CIPC: variants seen among roughly 807,000 people sequenced by gnomAD.
CIPC encodes CLOCK interacting pacemaker, also known as CLOCK-interacting pacemaker.
A neutral mutation model predicts 26.7 loss-of-function variants in CIPC; 12 were observed. The observed-to-expected ratio is 0.45, with a 90% CI of 0.29 to 0.73. The LOEUF (loss-of-function observed/expected upper bound fraction) is 0.73. Among genes scored for constraint, CIPC ranks in the 30% least tolerant of loss-of-function variants. The probability of loss-of-function intolerance (pLI) is 0.12; values close to 1 mark genes in which losing one functional copy is unlikely to be tolerated. For synonymous variants in CIPC, 170 were observed against 189.8 expected, an observed-to-expected ratio of 0.90 and a Z score of 0.86; for missense variants, 417 against 486.5, an observed-to-expected ratio of 0.86 and a Z score of 1.34.
rs1233441642 is a variant in CIPC at position 77,115,006 on chromosome 14, T to C, written c.*688T>C. 3 of 152,232 alleles carry C rather than the reference T, an allele frequency of 2.0e-5. No individual in the cohort carries two copies. The East Asian group carries it at 5.8e-4, about 29-fold the overall frequency. 9.4% of individuals were successfully genotyped at this position (152,232 alleles called of 1,614,324 possible). ...AACAGTACTTCCAAATTTTAAGGTA[T>C]GGAATGAATGCAGTACATCTGGAAT... is the stretch of plus-strand genomic sequence containing the variant. On this transcript the variant is annotated 3_prime_UTR_variant, in exon 4 of 4. Transcript: ENST00000361786.
rs201665496 is a variant in CIPC at position 77,113,905 on chromosome 14, G to C, written c.787G>C (p.Ala263Pro). 7.4e-6 allele frequency: 12 copies of C among 1,614,088 alleles called. No homozygotes were observed. The highest frequency in any genetic ancestry group is 1.3e-5 in the African/African-American group (1 of 75,014). ...TCCCAGTCTGACCTTCGCTTCCCCC[G>C]CCAGTCCTGTCTGCGCATCAGACAG... The part of the protein sequence containing the change: ...KAPSLTFASP[A>P]SPVCASDSTL... Residue 263 changes from alanine to proline, a missense_variant, in exon 4 of 4, where the codon GCC becomes CCC. Ala to Pro is a conservative substitution (Grantham distance 27). Coordinates refer to ENST00000361786, the MANE Select transcript of CIPC (RefSeq NM_033426.3).
Position 77,109,839 on chromosome 14 carries a change from C to A in CIPC, c.164C>A (p.Ala55Glu). 6.2e-7 allele frequency: 1 copy of A among 1,614,038 alleles called. No individual in the cohort carries two copies. Among genetic ancestry groups the A allele is most frequent in the Non-Finnish European group, 8.5e-7 (1 of 1,179,954 alleles). The change falls in exon 3 of 4, where the codon GCA becomes GAA. Residue 55 changes from alanine (A) to glutamate (E), a missense_variant. Coordinates refer to ENST00000361786, the MANE Select transcript of CIPC (RefSeq NM_033426.3). ...GGGAGCTCGGAATGTCTGAGCTCTG[C>A]AGAGCAGATGGAGTCCGAGGACATG... ...SDGSSECLSS[A>E]EQMESEDMLS...
Position 77,114,552 on chromosome 14 carries a change from C to G in CIPC, c.*234C>G. The G allele has an allele frequency of 2.0e-6, 1 of 491,716 alleles. No individual in the cohort carries two copies. The highest frequency in any genetic ancestry group is 3.6e-6 in the Non-Finnish European group (1 of 276,248). 30.5% of individuals were successfully genotyped at this position (491,716 alleles called of 1,614,324 possible). ...CTCAGTTTGGGAGTGCCCTTGAGCC[C>G]CTTTTCCTTAGCCTGCAGGTGCTTC... On this transcript the variant is annotated 3_prime_UTR_variant, in exon 4 of 4. Coordinates refer to ENST00000361786, the MANE Select transcript of CIPC (RefSeq NM_033426.3).
In CIPC at chr14:77,112,710, T is replaced by G. The variant is rs182848134; in HGVS notation, c.307-715T>G. Among the ~76,000 whole-genome samples the G allele has an allele frequency of 1.5e-4, 22 of 150,256 alleles. No homozygotes were observed. The East Asian group carries it at 3.9e-3, about 27-fold the overall frequency. ...TTTTTCTTTTCTTTCTGTTTTTTTTTGTTGTTGTTGTTGTTTTTGAAACCA... is the reference window on the plus strand; with the variant it reads ...TTTTTCTTTTCTTTCTGTTTTTTTTGGTTGTTGTTGTTGTTTTTGAAACCA... On this transcript the variant is annotated intron_variant, in intron 3 of 3. Coordinates refer to ENST00000361786, the MANE Select transcript of CIPC (RefSeq NM_033426.3).
Position 77,113,980 on chromosome 14 carries a change from A to C in CIPC, c.862A>C (p.Asn288His), listed in dbSNP as rs1296893780. Reference sequence around the variant, plus strand: ...CTCTCCCCTTTCACCACTGTCCGCTAATTATAGCTCACCTTTATGGGCTGC... The same window carrying C: ...CTCTCCCCTTTCACCACTGTCCGCTCATTATAGCTCACCTTTATGGGCTGC... ...SNSPLSPLSA[N>H]YSSPLWAAEH... is the part of the protein sequence containing the mutation. Residue 288 changes from asparagine to histidine, a missense_variant, in exon 4 of 4, where the codon AAT (asparagine) becomes CAT (histidine). Asn to His is a moderately conservative substitution (Grantham distance 68). Coordinates refer to ENST00000361786, the MANE Select transcript of CIPC (RefSeq NM_033426.3). The C allele has an allele frequency of 2.4e-5, 38 of 1,614,222 alleles. No homozygotes were observed. The highest frequency in any genetic ancestry group is 3.0e-5 in the Non-Finnish European group (35 of 1,180,038).
At chr14:77,101,061 CCAGGAAG>C (rs1415467059) in intron 1 of CIPC, among the ~76,000 whole-genome samples, 1 of 152,092 alleles carries the variant, frequency 6.6e-6, no homozygotes, top group African/African-American at 2.4e-5. Flanking sequence ...CCAGTCTATG[CCAGGAAG>C]CAGGAAGCAG....
chr14:77,101,169 GA>G (rs925282074), intron 1 of CIPC, among the ~76,000 whole-genome samples: 11 of 152,104 alleles, frequency 7.2e-5, no homozygotes, highest in African/African-American at 2.2e-4. Context: ...TATCTAAGAG[GA>G]AAAAAATCAA....
At position 77,106,333 on chromosome 14, in the gene CIPC, C is replaced by G. The variant is rs534415779; in HGVS notation, c.136+489C>G. ...TGTACGCCTCCAACAACCCCTCCCC[C>G]CAGTCTCTATGCATTTTGTATTTGG... On this transcript the variant is annotated intron_variant, in intron 2 of 3. Transcript: ENST00000361786. 3.9e-5 allele frequency among the ~76,000 whole-genome samples: 6 copies of G among 152,292 alleles called. No individual in the cohort carries two copies. In the South Asian group the frequency reaches 6.2e-4, roughly 16 times the overall value.
chr14:77,111,469 T>G (rs1207557451), intron 3 of CIPC, among the ~76,000 whole-genome samples: 1 of 152,348 alleles, frequency 6.6e-6, no homozygotes, highest in East Asian at 1.9e-4. Flanking sequence ...CATTTAAAAC[T>G]CTGCATGTTG....
rs557310155 is a variant in CIPC, at chr14:77,115,489, T to C, written c.*1171T>C. On this transcript the variant is annotated 3_prime_UTR_variant, in exon 4 of 4. Coordinates refer to ENST00000361786, the MANE Select transcript of CIPC (RefSeq NM_033426.3). ...AAAGCCAGAGGTGTAATGTTGGTTA[T>C]ATGAAGTTCATCTCAAAATGGAGAC... 3.3e-5 allele frequency: 5 copies of C among 152,338 alleles called. No individual in the cohort carries two copies. Among genetic ancestry groups the C allele is most frequent in the African/African-American group, 1.2e-4 (5 of 41,578 alleles). 9.4% of individuals were successfully genotyped at this position (152,338 alleles called of 1,614,324 possible).
Position 77,116,538 on chromosome 14 carries a change from G to A in CIPC, c.*2220G>A, listed in dbSNP as rs1886816462. On this transcript the variant is annotated 3_prime_UTR_variant, in exon 4 of 4. Coordinates refer to ENST00000361786, the MANE Select transcript of CIPC (RefSeq NM_033426.3). ...TAAGCCTCTTGGACTCTTCTTCCTA[G>A]ATTAAGGCTTGCATTTCCCTCCCTG... 6.6e-6 allele frequency: 1 copy of A among 152,200 alleles called. No individual in the cohort carries two copies. The highest frequency in any genetic ancestry group is 2.1e-4 in the South Asian group (1 of 4,832). 9.4% of individuals were successfully genotyped at this position (152,200 alleles called of 1,614,324 possible).
At position 77,107,995 on chromosome 14, in the gene CIPC, C is replaced by T. The variant is rs367845890; in HGVS notation, c.137-1817C>T. Among the ~76,000 whole-genome samples the T allele has an allele frequency of 3.4e-4, 51 of 151,896 alleles. 1 individual carries two copies. The South Asian group carries it at 0.01, about 31-fold the overall frequency. On this transcript the variant is annotated intron_variant, in intron 2 of 3. Transcript: ENST00000361786. ...TATCTTTTCTTTCCTTTTTTTCTTT[C>T]TTCTTTCTTTATGACATTGACATCT...
At chr14:77,110,053 AT>A in intron 3 of CIPC, 72 bp downstream of exon 3, 1 of 1,452,160 alleles carries the variant, frequency 6.9e-7, no homozygotes, top group Non-Finnish European at 9.5e-7. Context: ...AAAGGAAGAG[AT>A]TTATATTCTC....
chr14:77,113,913 T>A lies in CIPC; in HGVS notation c.795T>A (p.Pro265=). ...TGACCTTCGCTTCCCCCGCCAGTCCTGTCTGCGCATCAGACAGCACTCTCC... is the reference window on the plus strand; with the variant it reads ...TGACCTTCGCTTCCCCCGCCAGTCCAGTCTGCGCATCAGACAGCACTCTCC... ...PSLTFASPAS[P]VCASDSTLHG... Residue 265 remains proline (P), a synonymous_variant, in exon 4 of 4, where the codon CCT becomes CCA. Coordinates refer to ENST00000361786, the MANE Select transcript of CIPC (RefSeq NM_033426.3). 6.2e-6 allele frequency: 10 copies of A among 1,614,206 alleles called. No individual in the cohort carries two copies. Among genetic ancestry groups the A allele is most frequent in the Non-Finnish European group, 8.5e-6 (10 of 1,180,038 alleles).
intron 2 of CIPC, among the ~76,000 whole-genome samples, chr14:77,107,633 C>G (rs1462687206): frequency 1.5e-5 from 1 of 66,956 alleles, no homozygotes; most frequent in Non-Finnish European, 3.5e-5. Context: ...TCTTTACACA[C>G]ACACACACAC....
intron 3 of CIPC, among the ~76,000 whole-genome samples, chr14:77,112,247 G>A (rs1886718141): frequency 6.6e-6 from 1 of 152,192 alleles, no homozygotes; most frequent in South Asian, 2.1e-4. Context: ...TTGGGGACCA[G>A]GTTGGAACTG....
rs948026634 is a variant in CIPC, at chr14:77,116,676, C to T, written c.*2358C>T. On this transcript the variant is annotated 3_prime_UTR_variant, in exon 4 of 4. Transcript: ENST00000361786. ...TTGTAACTTAGTGCTAGAAGTCTCTCCAGGCTATTACCATGGGCATTTGTT... is the reference window on the plus strand; with the variant it reads ...TTGTAACTTAGTGCTAGAAGTCTCTTCAGGCTATTACCATGGGCATTTGTT... The T allele has an allele frequency of 3.3e-5, 5 of 152,276 alleles. No individual in the cohort carries two copies. Among genetic ancestry groups the T allele is most frequent in the African/African-American group, 1.2e-4 (5 of 41,574 alleles). The allele number at this position is 152,276 out of a possible 1,614,324, so 9.4% of individuals were successfully genotyped here. A position where few individuals can be genotyped will look rare whatever the true frequency, so the allele number is the denominator to read the frequency against.
chr14:77,114,243 G>GC lies in CIPC; in HGVS notation c.1126dup (p.Gln376ProfsTer10), dbSNP rs1241833798. 4.7e-5 allele frequency: 76 copies of GC among 1,614,080 alleles called. No homozygotes were observed. Among genetic ancestry groups the GC allele is most frequent in the Non-Finnish European group, 6.4e-5 (75 of 1,180,016 alleles). Reference sequence around the variant, plus strand: ...GGGCCCCTCAGGCTTGGGCCAAGCTGCAGGCATCTTTAACACCTGGGTCCA... The same window carrying GC: ...GGGCCCCTCAGGCTTGGGCCAAGCTGCCAGGCATCTTTAACACCTGGGTCCA... On this transcript the variant is annotated frameshift_variant, in exon 4 of 4. Coordinates refer to ENST00000361786, the MANE Select transcript of CIPC (RefSeq NM_033426.3). LOFTEE classifies it high-confidence loss of function.
At chr14:77,101,100 C>G (rs1028667780) in intron 1 of CIPC, among the ~76,000 whole-genome samples, 1 of 152,136 alleles carries the variant, frequency 6.6e-6, no homozygotes, top group Admixed American at 6.5e-5. Flanking sequence ...TGGGTAAGAG[C>G]TTAGTAATCC....
Sources: gnomAD v4.1 joint callset for allele counts (sites outside exome capture counted in the v4.1 genomes callset) on GRCh38, gnomAD v4.1.1 for gene constraint, MANE v1.5 for transcripts, NCBI Gene and HGNC (gene_info 2026-07-23, HGNC 2026-07-21) for gene names.